The following ADD3 variants were observed in gnomAD, a reference collection of about 807,000 sequenced individuals.
ADD3 encodes gamma-adducin.
ADD3 carries 25 observed loss-of-function variants against 80.2 expected under a neutral mutation model. That is an observed-to-expected ratio of 0.31 (90% CI 0.23 to 0.44). The LOEUF (loss-of-function observed/expected upper bound fraction) is 0.44. ADD3 is among the 20% of genes least tolerant of loss of function. The pLI, the probability that ADD3 is intolerant of heterozygous loss-of-function variation, is 1.00. For missense variants in ADD3, 829 were observed against 847.5 expected (o/e 0.98, Z 0.27); for synonymous variants, 284 against 289.6 (o/e 0.98, Z 0.20).
intron 1 of ADD3, among the ~76,000 whole-genome samples, chr10:110,030,335 A>AG (rs1564862435): frequency 6.6e-6 from 1 of 151,076 alleles, no homozygotes; most frequent in Non-Finnish European, 1.5e-5. Flanking sequence ...AAAAAAAAAA[A>AG]AAAAGAAAGT....
chr10:110,015,056 G>A (rs1852792823), intron 1 of ADD3, among the ~76,000 whole-genome samples: 1 of 152,072 alleles, frequency 6.6e-6, no homozygotes, highest in Admixed American at 6.6e-5. Flanking sequence ...TGTATTTTTA[G>A]TAGAGATGGG....
At chr10:110,055,828 A>G (rs1858119726) in intron 1 of ADD3, among the ~76,000 whole-genome samples, 1 of 152,220 alleles carries the variant, frequency 6.6e-6, no homozygotes, top group African/African-American at 2.4e-5. Context: ...ACTTGAAGAC[A>G]CTATGCTGAT....
At chr10:110,113,893 T>G (rs1245262303) in intron 3 of ADD3, among the ~76,000 whole-genome samples, 6 of 152,190 alleles carry the variant, frequency 3.9e-5, no homozygotes, top group African/African-American at 1.4e-4. Context: ...GGAGAAACAC[T>G]TGGCAGATGG....
intron 1 of ADD3, among the ~76,000 whole-genome samples, chr10:110,052,913 C>G (rs1420595658): frequency 6.6e-6 from 1 of 152,066 alleles, no homozygotes; most frequent in Non-Finnish European, 1.5e-5. Context: ...CAGGAACAAC[C>G]ATAAATATAT....
chr10:110,133,392 A>G lies in ADD3; in HGVS notation c.1895A>G (p.Lys632Arg). The part of the protein sequence containing the change: ...MEVPVMVVNG[K>R]DDMHDVEDEL... ...GTGCCTGTCATGGTAGTAAATGGCA[A>G]GGATGATATGCATGATGTTGAAGAT... Residue 632 changes from lysine (K) to arginine (R), a missense_variant, in exon 15 of 15, where the codon AAG becomes AGG. Coordinates refer to ENST00000356080, the MANE Select transcript of ADD3 (RefSeq NM_016824.5). The G allele has an allele frequency of 6.2e-7, 1 of 1,611,714 alleles. No individual in the cohort carries two copies. Among genetic ancestry groups the G allele is most frequent in the Non-Finnish European group, 8.5e-7 (1 of 1,178,058 alleles).
chr10:110,111,113 G>C (rs1015703202), intron 2 of ADD3, among the ~76,000 whole-genome samples: 1 of 152,112 alleles, frequency 6.6e-6, no homozygotes, highest in African/African-American at 2.4e-5. Flanking sequence ...ACTCAAAAGA[G>C]ATTCACCCTT....
chr10:110,071,461 A>G (rs773010642), intron 1 of ADD3, among the ~76,000 whole-genome samples: 4 of 152,200 alleles, frequency 2.6e-5, no homozygotes, highest in Non-Finnish European at 5.9e-5. Flanking sequence ...AACAAATTGC[A>G]TGTGTCATGA....
rs56174041 is a variant in ADD3, at chr10:110,112,666, C to T, written c.196-111C>T. ...GTTTTATATTTGTTTTTAAATAGTA[C>T]AGGTAAAAGCTATTCAGAAAAGGGA... On this transcript the variant is annotated intron_variant, in intron 2 of 14. Transcript: ENST00000356080. 2.6e-3 allele frequency: 3,213 copies of T among 1,235,940 alleles called. 48 individuals carry two copies. The African/African-American group carries it at 0.04, about 15-fold the overall frequency. 76.6% of individuals were successfully genotyped at this position (1,235,940 alleles called of 1,614,324 possible).
chr10:110,017,171 A>G (rs958868373), intron 1 of ADD3, among the ~76,000 whole-genome samples: 1 of 152,254 alleles, frequency 6.6e-6, no homozygotes, highest in African/African-American at 2.4e-5. Flanking sequence ...CTTAAGCACT[A>G]TGCTATATAC....
At chr10:110,079,461 A>AGAGAGAGTGTGT (rs1443672023) in intron 1 of ADD3, among the ~76,000 whole-genome samples, 6 of 97,454 alleles carry the variant, frequency 6.2e-5, no homozygotes, top group Admixed American at 1.0e-4. Flanking sequence ...AGAGAGAGAG[A>AGAGAGAGTGTGT]GTGTGTGTGT....
intron 1 of ADD3, among the ~76,000 whole-genome samples, chr10:110,010,255 G>T (rs12571549): frequency 6.6e-6 from 1 of 152,106 alleles, no homozygotes; most frequent in African/African-American, 2.4e-5. Context: ...GGCCTATCAT[G>T]TCTGAGTGCT....
chr10:110,036,880 A>G (rs1002927544), intron 1 of ADD3, among the ~76,000 whole-genome samples: 3 of 152,138 alleles, frequency 2.0e-5, no homozygotes, highest in Admixed American at 1.3e-4. Context: ...GTGAGGAGAA[A>G]GATCTTTTGC....
intron 1 of ADD3, among the ~76,000 whole-genome samples, chr10:110,009,584 T>C (rs1852086061): frequency 6.6e-6 from 1 of 152,248 alleles, no homozygotes; most frequent in South Asian, 2.1e-4. Flanking sequence ...GGAGCATTTG[T>C]AGAAAGTTTT....
At chr10:110,079,217 C>T (rs1373861834) in intron 1 of ADD3, 4 of 151,974 alleles carry the variant, frequency 2.6e-5, no homozygotes, top group African/African-American at 7.3e-5. Context: ...ATTGATAAAC[C>T]CTTTCTTTAT....
intron 1 of ADD3, among the ~76,000 whole-genome samples, chr10:110,089,161 C>T (rs1847168490): frequency 6.6e-6 from 1 of 151,812 alleles, no homozygotes; most frequent in African/African-American, 2.4e-5. Context: ...GTTGATGTTT[C>T]TTTAAAAAAT....
In ADD3 at chr10:110,112,770, A is replaced by G; in HGVS notation, c.196-7A>G. 2 of 1,610,728 alleles carry G rather than the reference A, an allele frequency of 1.2e-6. No homozygotes were observed. The highest frequency in any genetic ancestry group is 1.7e-6 in the Non-Finnish European group (2 of 1,178,720). The stretch of plus-strand genomic sequence containing the variant: ...GCTTGCTCAGTCTTTATTTTTGTGT[A>G]TTACAGGCCTTTCGGGAAGACTTGG... On this transcript the variant is annotated splice_polypyrimidine_tract_variant and splice_region_variant and intron_variant, in intron 2 of 14. Transcript: ENST00000356080.
At chr10:110,078,640 G>C (rs1028888709) in intron 1 of ADD3, among the ~76,000 whole-genome samples, 1 of 152,154 alleles carries the variant, frequency 6.6e-6, no homozygotes, top group South Asian at 2.1e-4. Context: ...GTAGCCTTGG[G>C]TAAAAGTGGC....
At chr10:110,014,953 A>G (rs529576880) in intron 1 of ADD3, among the ~76,000 whole-genome samples, 126 of 151,762 alleles carry the variant, frequency 8.3e-4, no homozygotes, top group Middle Eastern at 6.8e-3. Flanking sequence ...GGCTCAATGC[A>G]ACCTCCGACT....
At chr10:110,038,334 G>A (rs1246268705) in intron 1 of ADD3, among the ~76,000 whole-genome samples, 1 of 152,118 alleles carries the variant, frequency 6.6e-6, no homozygotes, top group Non-Finnish European at 1.5e-5. Context: ...ATTCTGCCCT[G>A]CATCTTGGAT....
Sources: allele counts gnomAD v4.1 joint callset (sites outside exome capture counted in the v4.1 genomes callset), GRCh38; gene constraint gnomAD v4.1.1; transcripts MANE v1.5; gene names NCBI Gene and HGNC (gene_info 2026-07-23, HGNC 2026-07-21).